FBXW7: variants seen among roughly 807,000 people sequenced by gnomAD.
FBXW7 encodes the protein F-box and WD repeat domain containing 7.
Under a neutral mutation model 86.3 loss-of-function variants are expected in FBXW7, and 11 were observed. That is an observed-to-expected ratio of 0.13 (90% CI 0.08 to 0.21). FBXW7 has a LOEUF of 0.21. FBXW7 is among the 10% of genes least tolerant of loss of function. The pLI, the probability that FBXW7 is intolerant of heterozygous loss-of-function variation, is 1.00. For synonymous variants in FBXW7, 313 were observed against 297.9 expected (o/e 1.05, Z -0.52); for missense variants, 488 against 847.4 (o/e 0.58, Z 5.27).
At position 152,335,287 on chromosome 4, in the gene FBXW7, C is replaced by T. The variant is rs58327553; in HGVS notation, c.861+2515G>A. Among the ~76,000 whole-genome samples the T allele has an allele frequency of 0.016, 2,399 of 151,706 alleles. 128 individuals are homozygous for T. The East Asian group carries it at 0.17, about 11-fold the overall frequency. ...TAGTACTCTCATAAAAGGGACATCC[C>T]CCCCTACCACCACCCCCACCCCGCA... On this transcript the variant is annotated intron_variant, in intron 7 of 13. Coordinates refer to ENST00000281708, the MANE Select transcript of FBXW7 (RefSeq NM_001349798.2).
intron 2 of FBXW7, among the ~76,000 whole-genome samples, chr4:152,527,276 T>C (rs1471328406): frequency 1.3e-5 from 2 of 152,258 alleles, no homozygotes; most frequent in Non-Finnish European, 2.9e-5. Flanking sequence ...ATTATGAATG[T>C]ATTTTATTAC....
In FBXW7 at chr4:152,323,016, C is replaced by T. The variant is rs1728681314; in HGVS notation, c.1989G>A (p.Leu663=). The T allele has an allele frequency of 1.9e-6, 3 of 1,613,872 alleles. No individual in the cohort carries two copies. Among genetic ancestry groups the T allele is most frequent in the East Asian group, 2.2e-5 (1 of 44,866 alleles). ...CAACTCCCCCACTCCCCCCACTCTC[C>T]AATGTGACTAGGTTTCGAATAAATT... The part of the protein sequence containing the change: ...TGEFIRNLVT[L]ESGGSGGVVW... Residue 663 remains leucine, a synonymous_variant, in exon 14 of 14, where the codon TTG becomes TTA. Transcript: ENST00000281708.
intron 2 of FBXW7, among the ~76,000 whole-genome samples, chr4:152,458,248 G>A (rs1005685579): frequency 3.3e-5 from 5 of 152,136 alleles, no homozygotes; most frequent in Non-Finnish European, 7.4e-5. Flanking sequence ...TTGAACTCCC[G>A]ACCTCGTGAT....
chr4:152,439,574 G>C (rs1415154927), intron 2 of FBXW7, among the ~76,000 whole-genome samples: 1 of 151,968 alleles, frequency 6.6e-6, no homozygotes, highest in Non-Finnish European at 1.5e-5. Flanking sequence ...CCTGTACTAT[G>C]GTTATTTAAA....
chr4:152,404,759 C>A (rs72955050), intron 4 of FBXW7, among the ~76,000 whole-genome samples: 396 of 152,148 alleles, frequency 2.6e-3, no homozygotes, highest in African/African-American at 9.1e-3. Flanking sequence ...TAATGACGTG[C>A]CCATTTACAA....
intron 4 of FBXW7, among the ~76,000 whole-genome samples, chr4:152,370,194 A>G (rs114121870): frequency 0.036 from 5,539 of 152,144 alleles, 146 homozygotes; most frequent in Non-Finnish European, 0.057. Flanking sequence ...CAAGTGAACT[A>G]TATGAAATCA....
intron 4 of FBXW7, among the ~76,000 whole-genome samples, chr4:152,359,714 G>C (rs531180282): frequency 6.6e-6 from 1 of 152,150 alleles, no homozygotes; most frequent in South Asian, 2.1e-4. Context: ...AGTGAGCTGA[G>C]ATCGTGCCGT....
At chr4:152,495,534 C>T (rs1746256371) in intron 2 of FBXW7, among the ~76,000 whole-genome samples, 1 of 152,092 alleles carries the variant, frequency 6.6e-6, no homozygotes, top group South Asian at 2.1e-4. Context: ...AAAACAGTAA[C>T]ATATTAAAAA....
chr4:152,523,738 G>C (rs565840191), intron 2 of FBXW7, among the ~76,000 whole-genome samples: 9 of 152,280 alleles, frequency 5.9e-5, no homozygotes, highest in Admixed American at 5.9e-4. Context: ...GTATGTAAAG[G>C]TTAAGACTGC....
chr4:152,411,386 T>C lies in FBXW7; in HGVS notation c.418A>G (p.Thr140Ala), dbSNP rs1447762545. The change falls in exon 4 of 14, where the codon ACT (threonine) becomes GCT (alanine). Residue 140 changes from threonine (T) to alanine (A), a missense_variant. Physicochemically the swap from Thr to Ala is moderately conservative, Grantham distance 58. This residue lies in a region of FBXW7 where 230 missense variants were observed against 240.0 expected (regional missense o/e 0.96). Coordinates refer to ENST00000281708, the MANE Select transcript of FBXW7 (RefSeq NM_001349798.2). ...DSSREDEHTH[T>A]NSVTNSSSIV... is the part of the protein sequence containing the mutation. ...CTACTGGAGTTCGTGACACTGTTAG[T>C]ATGTGTATGTTCATCTTCTCTGCTA... 6.2e-7 allele frequency: 1 copy of C among 1,613,534 alleles called. No homozygotes were observed. The highest frequency in any genetic ancestry group is 1.3e-5 in the African/African-American group (1 of 74,864).
intron 2 of FBXW7, among the ~76,000 whole-genome samples, chr4:152,467,801 C>CA (rs1743594844): frequency 6.6e-6 from 1 of 151,996 alleles, no homozygotes; most frequent in Non-Finnish European, 1.5e-5. Flanking sequence ...GAACAAGCAA[C>CA]AAAAAACAGA....
intron 4 of FBXW7, among the ~76,000 whole-genome samples, chr4:152,357,127 C>T (rs1422453936): frequency 6.6e-6 from 1 of 152,092 alleles, no homozygotes; most frequent in East Asian, 1.9e-4. Context: ...TACTGTGACA[C>T]TAGTGCCTTA....
chr4:152,487,549 T>C (rs1745459731), intron 2 of FBXW7, among the ~76,000 whole-genome samples: 1 of 152,042 alleles, frequency 6.6e-6, no homozygotes, highest in African/African-American at 2.4e-5. Context: ...TATACAAATA[T>C]GTGGTAAAAA....
intron 4 of FBXW7, among the ~76,000 whole-genome samples, chr4:152,395,114 A>G (rs1442472295): frequency 1.3e-5 from 2 of 152,046 alleles, no homozygotes; most frequent in African/African-American, 4.8e-5. Flanking sequence ...ATTTTATCAC[A>G]GGGCAGCAGA....
At chr4:152,496,406 A>G (rs1746343195) in intron 2 of FBXW7, among the ~76,000 whole-genome samples, 1 of 151,986 alleles carries the variant, frequency 6.6e-6, no homozygotes, top group Non-Finnish European at 1.5e-5. Flanking sequence ...AAAAAATGGA[A>G]CTGGGCCAGG....
chr4:152,365,252 T>C (rs1479138639), intron 4 of FBXW7, among the ~76,000 whole-genome samples: 1 of 152,120 alleles, frequency 6.6e-6, no homozygotes, highest in Admixed American at 6.6e-5. Context: ...AAGGGATACA[T>C]TACCCAAGAC....
chr4:152,324,057 T>C (rs955790466), intron 13 of FBXW7, 127 bp downstream of exon 13: 3 of 673,100 alleles, frequency 4.5e-6, no homozygotes, highest in Non-Finnish European at 7.6e-6. Context: ...GGTGAAAATA[T>C]TCATAAACTT....
chr4:152,320,924 A>G lies in FBXW7; in HGVS notation c.*1957T>C, dbSNP rs570977622. 8 of 153,042 alleles carry G rather than the reference A, an allele frequency of 5.2e-5. 1 individual carries two copies. The South Asian group carries it at 1.7e-3, about 32-fold the overall frequency. The allele number at this position is 153,042 out of a possible 1,614,324, so 9.5% of individuals were successfully genotyped here. A position where few individuals can be genotyped will look rare whatever the true frequency, so the allele number is the denominator to read the frequency against. ...ACTTAATATGTGGTCAAAATTTCAA[A>G]ATGAATTTGTTATTTATAAGGCTTC... On this transcript the variant is annotated 3_prime_UTR_variant, in exon 14 of 14. Transcript: ENST00000281708.
intron 2 of FBXW7, among the ~76,000 whole-genome samples, chr4:152,520,616 T>C (rs1423782322): frequency 6.6e-6 from 1 of 152,132 alleles, no homozygotes. Flanking sequence ...GGACCAGTCC[T>C]TATTTAACAC....
Sources: gnomAD v4.1 joint callset for allele counts (sites outside exome capture counted in the v4.1 genomes callset) on GRCh38, gnomAD v4.1.1 for gene constraint, gnomAD v4.1.1 regional missense constraint, MANE v1.5 for transcripts, NCBI Gene and HGNC (gene_info 2026-07-23, HGNC 2026-07-21) for gene names.